The following EIF3H variants were observed in gnomAD, a reference collection of about 807,000 sequenced individuals.
EIF3H encodes eIF-3-gamma.
Under a neutral mutation model 44.2 loss-of-function variants are expected in EIF3H, and 26 were observed. That is an observed-to-expected ratio of 0.59 (90% CI 0.43 to 0.82). The LOEUF (loss-of-function observed/expected upper bound fraction) is 0.82, where lower values mean the gene tolerates loss of function less well. Ranked by LOEUF, EIF3H falls within the 40% of genes least tolerant of loss-of-function variation. The pLI is 0.00. For missense variants in EIF3H, 359 were observed against 432.8 expected (o/e 0.83, Z 1.51); for synonymous variants, 166 against 151.9 (o/e 1.09, Z -0.68).
rs1179241217 is a variant in EIF3H at position 116,709,277 on chromosome 8, A to T, written c.289+16739T>A. On this transcript the variant is annotated intron_variant, in intron 2 of 7. Transcript: ENST00000521861. The stretch of plus-strand genomic sequence containing the variant: ...AATTATTGCACTTTCTGATAAGACA[A>T]CCCTTTGCCCAAAAAATTTTTTAAA... Among the ~76,000 whole-genome samples the T allele has an allele frequency of 2.0e-5, 3 of 152,150 alleles. No homozygotes were observed. The East Asian group carries it at 5.8e-4, about 29-fold the overall frequency.
intron 5 of EIF3H, among the ~76,000 whole-genome samples, chr8:116,654,085 T>A (rs114246507): frequency 0.011 from 1,719 of 152,330 alleles, 32 homozygotes; most frequent in African/African-American, 0.038. Context: ...GTATGGTCGA[T>A]TTGGTTCAAT....
At chr8:116,743,790 ATATATATAAACACACACACAC>A (rs1815174761) in intron 1 of EIF3H, among the ~76,000 whole-genome samples, 1 of 90,926 alleles carries the variant, frequency 1.1e-5, no homozygotes, top group African/African-American at 4.4e-5. Context: ...ATATATATAT[ATATATATAAACACACACACAC>A]ACACACACAC....
chr8:116,692,738 T>C (rs1814199391), intron 2 of EIF3H, among the ~76,000 whole-genome samples: 1 of 152,222 alleles, frequency 6.6e-6, no homozygotes, highest in African/African-American at 2.4e-5. Flanking sequence ...GTATTCGTAA[T>C]GTTTAATGAG....
chr8:116,676,364 G>A (rs1813846157), intron 2 of EIF3H, among the ~76,000 whole-genome samples: 1 of 152,186 alleles, frequency 6.6e-6, no homozygotes, highest in Non-Finnish European at 1.5e-5. Context: ...CATGGCTGGG[G>A]AGCCCTCAGG....
intron 2 of EIF3H, among the ~76,000 whole-genome samples, chr8:116,720,304 TTTACATTGAA>T (rs1314811953): frequency 6.6e-6 from 1 of 152,204 alleles, no homozygotes; most frequent in African/African-American, 2.4e-5. Context: ...AATTTAAATT[TTTACATTGAA>T]AAAATATTAA....
At chr8:116,743,207 T>C (rs1815159762) in intron 1 of EIF3H, among the ~76,000 whole-genome samples, 1 of 152,150 alleles carries the variant, frequency 6.6e-6, no homozygotes, top group Non-Finnish European at 1.5e-5. Context: ...ACTAGCGCTT[T>C]GGGAGGCCAA....
intron 2 of EIF3H, among the ~76,000 whole-genome samples, chr8:116,692,386 A>G (rs772071360): frequency 6.6e-5 from 10 of 152,234 alleles, no homozygotes; most frequent in Non-Finnish European, 1.2e-4. Flanking sequence ...TACAAGCTAC[A>G]TATTTTTCTA....
At chr8:116,687,705 C>T (rs1347303365) in intron 2 of EIF3H, among the ~76,000 whole-genome samples, 2 of 151,944 alleles carry the variant, frequency 1.3e-5, no homozygotes, top group Non-Finnish European at 2.9e-5. Flanking sequence ...TATGGTAAAC[C>T]ATCTAAATTT....
In EIF3H at chr8:116,710,602, T is replaced by C. The variant is rs151122667; in HGVS notation, c.289+15414A>G. ...TGATTTCAGTTGTGCTGATAGTAAA[T>C]AGTAATGCCAAGAAGCAGCCTTTTA... is the stretch of plus-strand genomic sequence containing the variant. On this transcript the variant is annotated intron_variant, in intron 2 of 7. Transcript: ENST00000521861. Among the ~76,000 whole-genome samples, 33 of 152,342 alleles carry C rather than the reference T, an allele frequency of 2.2e-4. 1 individual carries two copies. Among genetic ancestry groups the C allele is most frequent in the Middle Eastern group, 3.4e-3 (1 of 294 alleles).
chr8:116,720,210 T>A (rs1814721699), intron 2 of EIF3H, among the ~76,000 whole-genome samples: 1 of 152,248 alleles, frequency 6.6e-6, no homozygotes. Flanking sequence ...TTAAAATATA[T>A]TTTAATATTT....
chr8:116,644,084 TTTTC>T lies in EIF3H; in HGVS notation c.*918_*921del, dbSNP rs1307583694. 1 of 152,212 alleles carries T rather than the reference TTTTC, an allele frequency of 6.6e-6. No homozygotes were observed. Among genetic ancestry groups the T allele is most frequent in the Non-Finnish European group, 1.5e-5 (1 of 68,054 alleles). The allele number at this position is 152,212 out of a possible 1,614,324, so 9.4% of individuals were successfully genotyped here. Reference sequence around the variant, plus strand: ...AAGTTTACTTGTGGTGGCATGATTCTTTTCTTTAAAATTTCTGTGGCCTGTCCAG... The same window carrying T: ...AAGTTTACTTGTGGTGGCATGATTCTTTTAAAATTTCTGTGGCCTGTCCAG... On this transcript the variant is annotated 3_prime_UTR_variant, in exon 8 of 8. Coordinates refer to ENST00000521861, the MANE Select transcript of EIF3H (RefSeq NM_003756.3).
In EIF3H at chr8:116,655,453, A is replaced by G. The variant is rs1813472968; in HGVS notation, c.707+403T>C. On this transcript the variant is annotated intron_variant, in intron 5 of 7. Coordinates refer to ENST00000521861, the MANE Select transcript of EIF3H (RefSeq NM_003756.3). ...AGGGTAAGTACAACCAGTAAAAGAA[A>G]AAAGCATTTCTGTTCTTTTCCTGAG... Among the ~76,000 whole-genome samples the G allele has an allele frequency of 2.6e-5, 4 of 152,136 alleles. No individual in the cohort carries two copies. The South Asian group carries it at 8.3e-4, about 32-fold the overall frequency.
intron 2 of EIF3H, among the ~76,000 whole-genome samples, chr8:116,673,983 T>G (rs931173499): frequency 7.5e-6 from 1 of 132,724 alleles, no homozygotes; most frequent in African/African-American, 2.9e-5. Context: ...GGCAGGAGAA[T>G]GGCGTGAACC....
intron 5 of EIF3H, among the ~76,000 whole-genome samples, chr8:116,650,445 A>G (rs1014867308): frequency 6.6e-6 from 1 of 152,212 alleles, no homozygotes; most frequent in South Asian, 2.1e-4. Flanking sequence ...AAACTCATAC[A>G]TGTATGTTAA....
chr8:116,763,782 A>G (rs984436381), intron 1 of EIF3H, among the ~76,000 whole-genome samples: 7 of 152,218 alleles, frequency 4.6e-5, no homozygotes, highest in African/African-American at 1.2e-4. Context: ...ACCACAATAG[A>G]TATGTTAGCT....
chr8:116,704,206 A>C (rs1814430362), intron 2 of EIF3H, among the ~76,000 whole-genome samples: 1 of 152,222 alleles, frequency 6.6e-6, no homozygotes, highest in East Asian at 1.9e-4. Context: ...ATTGTAGCAA[A>C]GGCTCTTGGA....
intron 1 of EIF3H, among the ~76,000 whole-genome samples, chr8:116,726,406 C>T (rs1288637840): frequency 2.6e-5 from 4 of 152,088 alleles, no homozygotes; most frequent in Non-Finnish European, 4.4e-5. Flanking sequence ...CAAAAACGTC[C>T]ATCTACAGCA....
At chr8:116,752,732 GAAGAGAA>G (rs1191823780) in intron 1 of EIF3H, among the ~76,000 whole-genome samples, 5 of 109,030 alleles carry the variant, frequency 4.6e-5, no homozygotes, top group African/African-American at 1.0e-4. Context: ...AAGAAAGAAA[GAAGAGAA>G]AGAAAGAAAG....
intron 2 of EIF3H, among the ~76,000 whole-genome samples, chr8:116,664,890 A>G (rs1022702862): frequency 2.0e-5 from 3 of 152,236 alleles, no homozygotes; most frequent in Non-Finnish European, 2.9e-5. Flanking sequence ...GCCTGTAGGG[A>G]AAGAGTAGAG....
Sources: allele counts gnomAD v4.1 joint callset (sites outside exome capture counted in the v4.1 genomes callset), GRCh38; gene constraint gnomAD v4.1.1; transcripts MANE v1.5; gene names NCBI Gene and HGNC (gene_info 2026-07-23, HGNC 2026-07-21).